Variants in EIF4G3 observed in about 807,000 individuals in gnomAD.
The protein encoded by EIF4G3 is eukaryotic translation initiation factor 4 gamma 3.
Under a neutral mutation model 186.4 loss-of-function variants are expected in EIF4G3, and 34 were observed. The ratio of observed to expected loss-of-function variants is 0.18; its 90% CI spans 0.14 to 0.24. The LOEUF (loss-of-function observed/expected upper bound fraction) is 0.24, where lower values mean the gene tolerates loss of function less well. EIF4G3 is among the 10% of genes least tolerant of loss of function. The pLI, the probability that EIF4G3 is intolerant of heterozygous loss-of-function variation, is 1.00. For missense variants in EIF4G3, 1,536 were observed against 1,948.5 expected, an observed-to-expected ratio of 0.79 and a Z score of 3.99; for synonymous variants, 673 against 679.5, an observed-to-expected ratio of 0.99 and a Z score of 0.15.
At chr1:21,092,867 T>C (rs1271701102) in intron 2 of EIF4G3, among the ~76,000 whole-genome samples, 2 of 152,176 alleles carry the variant, frequency 1.3e-5, no homozygotes, top group Non-Finnish European at 2.9e-5. Context: ...CCCTATTTAA[T>C]AAACGGTGCT....
intron 29 of EIF4G3, among the ~76,000 whole-genome samples, chr1:20,849,046 CAAAAAAAAAA>C (rs60344352): frequency 5.2e-4 from 9 of 17,394 alleles, no homozygotes; most frequent in Non-Finnish European, 7.7e-4. Context: ...GACTCTGTCT[CAAAAAAAAAA>C]AAAAAAAAAA....
At chr1:21,078,333 A>G (rs1338568314) in intron 3 of EIF4G3, among the ~76,000 whole-genome samples, 1 of 152,198 alleles carries the variant, frequency 6.6e-6, no homozygotes, top group Non-Finnish European at 1.5e-5. Context: ...ATGATGTTAC[A>G]TGAAATAAGC....
intron 14 of EIF4G3, among the ~76,000 whole-genome samples, chr1:20,907,743 A>G (rs1413144344): frequency 4.4e-4 from 67 of 152,016 alleles, no homozygotes; most frequent in Non-Finnish European, 8.8e-5. Context: ...TTATGGCTGC[A>G]TAGTATTCCA....
chr1:21,110,297 T>A (rs1204252584), intron 2 of EIF4G3, among the ~76,000 whole-genome samples: 2 of 151,166 alleles, frequency 1.3e-5, no homozygotes, highest in African/African-American at 4.9e-5. Context: ...AGTAACGTTT[T>A]CTCTTTTTTT....
chr1:21,112,021 C>A (rs2096735124), intron 2 of EIF4G3, among the ~76,000 whole-genome samples: 1 of 152,124 alleles, frequency 6.6e-6, no homozygotes, highest in South Asian at 2.1e-4. Context: ...TCTCACCATG[C>A]CAGCTATGAA....
chr1:20,995,425 T>G (rs968551885), intron 7 of EIF4G3, among the ~76,000 whole-genome samples: 1 of 152,126 alleles, frequency 6.6e-6, no homozygotes, highest in Admixed American at 6.6e-5. Context: ...CAGGCTGGAG[T>G]GCAGTGGTGT....
intron 14 of EIF4G3, among the ~76,000 whole-genome samples, chr1:20,905,722 AG>A (rs2091881979): frequency 6.6e-6 from 1 of 152,340 alleles, no homozygotes. Context: ...ACCATCAGAT[AG>A]TAAGCTGATG....
chr1:20,829,068 G>A, intron 31 of EIF4G3, 79 bp downstream of exon 31: 3 of 1,490,986 alleles, frequency 2.0e-6, no homozygotes, highest in Non-Finnish European at 2.8e-6. Flanking sequence ...TAATGGGACA[G>A]TACTATGATA....
Position 20,893,634 on chromosome 1 carries a change from G to C in EIF4G3, c.2136C>G (p.Ile712Met), listed in dbSNP as rs1284535734. 2 of 1,554,608 alleles carry C rather than the reference G, an allele frequency of 1.3e-6. No homozygotes were observed. The highest frequency in any genetic ancestry group is 3.5e-5 in the Admixed American group (2 of 56,676). Residue 712 changes from isoleucine (I) to methionine (M), a missense_variant and splice_region_variant, in exon 18 of 37, where the codon ATC (isoleucine) becomes ATG (methionine). Around this residue, in one of 11 missense-constraint regions of EIF4G3, gnomAD observed 139 missense variants for 192.8 expected, o/e 0.72. Transcript: ENST00000602326. Reference protein sequence around the residue: ...PPISDVVLDKINQPKLPMRTL... With the variant: ...PPISDVVLDKMNQPKLPMRTL... ...TTCGCATTGGCAATTTGGGTTGGTT[G>C]ATCTGCATGAAAAAGCAAAAGAAAG...
At chr1:21,116,096 G>C (rs2096816890) in intron 2 of EIF4G3, among the ~76,000 whole-genome samples, 1 of 152,048 alleles carries the variant, frequency 6.6e-6, no homozygotes, top group South Asian at 2.1e-4. Context: ...TGAGCTCTAA[G>C]AGCAATCGTC....
At chr1:20,970,341 C>T (rs895199279) in intron 11 of EIF4G3, among the ~76,000 whole-genome samples, 4 of 152,116 alleles carry the variant, frequency 2.6e-5, no homozygotes, top group Non-Finnish European at 5.9e-5. Flanking sequence ...CGGCCAGGCG[C>T]GGTGGCTCAC....
chr1:20,894,302 T>C (rs1191353521), intron 17 of EIF4G3, among the ~76,000 whole-genome samples: 1 of 152,170 alleles, frequency 6.6e-6, no homozygotes, highest in African/African-American at 2.4e-5. Context: ...GAATATTTTC[T>C]AAGAGGATAA....
chr1:20,879,294 T>C, intron 20 of EIF4G3, 29 bp downstream of exon 20: 1 of 1,533,924 alleles, frequency 6.5e-7, no homozygotes, highest in Non-Finnish European at 8.8e-7. Flanking sequence ...CTTGAAGATT[T>C]CTCGTTTTAC....
chr1:20,839,504 C>T (rs994793846), intron 30 of EIF4G3, among the ~76,000 whole-genome samples: 1 of 152,018 alleles, frequency 6.6e-6, no homozygotes, highest in African/African-American at 2.4e-5. Context: ...CGAATAAATT[C>T]AACAATGACT....
intron 2 of EIF4G3, among the ~76,000 whole-genome samples, chr1:21,127,139 C>T (rs1218495218): frequency 1.3e-5 from 2 of 152,060 alleles, no homozygotes; most frequent in Non-Finnish European, 2.9e-5. Context: ...TACAGGCAAG[C>T]TCCTCACACC....
intron 12 of EIF4G3, among the ~76,000 whole-genome samples, chr1:20,963,344 TA>T (rs1249896413): frequency 4.0e-5 from 6 of 151,394 alleles, no homozygotes; most frequent in Admixed American, 1.3e-4. Flanking sequence ...AATTATCATA[TA>T]AACGAACCCA....
At chr1:20,946,406 A>T (rs535407477) in intron 13 of EIF4G3, among the ~76,000 whole-genome samples, 1 of 152,338 alleles carries the variant, frequency 6.6e-6, no homozygotes, top group South Asian at 2.1e-4. Flanking sequence ...CCAAGCAAAA[A>T]TTTTAATTCA....
At chr1:21,146,082 A>G (rs1456889579) in intron 2 of EIF4G3, among the ~76,000 whole-genome samples, 1 of 152,126 alleles carries the variant, frequency 6.6e-6, no homozygotes, top group Non-Finnish European at 1.5e-5. Flanking sequence ...GAAACACAGC[A>G]AGACCCTGTC....
chr1:20,926,417 T>A (rs1026341188), intron 14 of EIF4G3, among the ~76,000 whole-genome samples: 2 of 152,218 alleles, frequency 1.3e-5, no homozygotes, highest in African/African-American at 4.8e-5. Flanking sequence ...TGGTAGCTCA[T>A]GCCTGTAACC....
Sources: gnomAD v4.1 joint callset for allele counts (sites outside exome capture counted in the v4.1 genomes callset) on GRCh38, gnomAD v4.1.1 for gene constraint, gnomAD v4.1.1 regional missense constraint, MANE v1.5 for transcripts, NCBI Gene and HGNC (gene_info 2026-07-23, HGNC 2026-07-21) for gene names.